Variants in NCAM1 observed in about 807,000 individuals in gnomAD.
NCAM1 encodes the protein antigen recognized by monoclonal antibody 5.1H11.
A neutral mutation model predicts 109.8 loss-of-function variants in NCAM1; 14 were observed. The ratio of observed to expected loss-of-function variants is 0.13; its 90% CI spans 0.08 to 0.20. The LOEUF is 0.20. NCAM1 is among the 10% of genes least tolerant of loss of function. The pLI is 1.00. For synonymous variants in NCAM1, 418 were observed against 442.9 expected (o/e 0.94, Z 0.70); for missense variants, 774 against 1,109.9 (o/e 0.70, Z 4.30).
intron 1 of NCAM1, among the ~76,000 whole-genome samples, chr11:113,134,511 A>G (rs782794266): frequency 6.6e-6 from 1 of 152,104 alleles, no homozygotes; most frequent in African/African-American, 2.4e-5. Flanking sequence ...CCAAAAGTCA[A>G]TTTTCACTGT....
At chr11:113,165,398 CACTT>C (rs1942756254) in intron 1 of NCAM1, among the ~76,000 whole-genome samples, 1 of 152,142 alleles carries the variant, frequency 6.6e-6, no homozygotes, top group African/African-American at 2.4e-5. Context: ...CGAGTAGACT[CACTT>C]AGTCTGTTTT....
chr11:113,269,592 AG>A (rs1946220692), intron 17 of NCAM1: 1 of 153,962 alleles, frequency 6.5e-6, no homozygotes, highest in Non-Finnish European at 1.4e-5. Context: ...GGGTGCAGTG[AG>A]GAGGGTAAAC....
chr11:113,264,773 G>C, intron 17 of NCAM1: 5 of 985,482 alleles, frequency 5.1e-6, no homozygotes, highest in Non-Finnish European at 6.0e-6. Flanking sequence ...GGTCAGGCAG[G>C]CCTCAGCTGA....
At chr11:112,969,931 A>T (rs1163228556) in intron 1 of NCAM1, among the ~76,000 whole-genome samples, 9 of 152,172 alleles carry the variant, frequency 5.9e-5, no homozygotes, top group African/African-American at 1.9e-4. Flanking sequence ...AAAAACTGGG[A>T]AAATTGAGAG....
At chr11:113,176,990 T>C (rs1555107149) in intron 1 of NCAM1, among the ~76,000 whole-genome samples, 1 of 152,208 alleles carries the variant, frequency 6.6e-6, no homozygotes, top group Non-Finnish European at 1.5e-5. Flanking sequence ...AATTATAAAC[T>C]TGACTTTGCA....
Position 113,204,342 on chromosome 11 carries a change from C to T in NCAM1, c.184C>T (p.Leu62Phe). The T allele has an allele frequency of 6.2e-7, 1 of 1,613,884 alleles. No individual in the cohort carries two copies. Among genetic ancestry groups the T allele is most frequent in the Non-Finnish European group, 8.5e-7 (1 of 1,179,846 alleles). ...ISWFSPNGEKLTPNQQRISVV... is the reference protein window; with the variant it reads ...ISWFSPNGEKFTPNQQRISVV... ...CTGGTTCTCCCCCAATGGAGAAAAG[C>T]TCACCCCAAACCAGCAGCGGATCTC... Residue 62 changes from leucine (L) to phenylalanine (F), a missense_variant, in exon 3 of 20, where the codon CTC (leucine) becomes TTC (phenylalanine). By Grantham distance (22) the Leu-to-Phe change is conservative. Coordinates refer to ENST00000316851, the MANE Select transcript of NCAM1 (RefSeq NM_181351.5).
chr11:113,017,479 A>T (rs1952239612), intron 1 of NCAM1, among the ~76,000 whole-genome samples: 1 of 152,190 alleles, frequency 6.6e-6, no homozygotes, highest in Non-Finnish European at 1.5e-5. Context: ...CCCTGATATC[A>T]CAGCCAGCTT....
intron 1 of NCAM1, among the ~76,000 whole-genome samples, chr11:113,145,503 A>G (rs1223178906): frequency 6.6e-6 from 1 of 152,198 alleles, no homozygotes; most frequent in Non-Finnish European, 1.5e-5. Flanking sequence ...TCTTATCCAT[A>G]TTAATGAAGA....
At chr11:113,121,537 CAA>C (rs3051887) in intron 1 of NCAM1, among the ~76,000 whole-genome samples, 3,122 of 92,344 alleles carry the variant, frequency 0.034, 88 homozygotes, top group East Asian at 0.17. Flanking sequence ...ACCAATCTTA[CAA>C]AAAAAAAAAA....
At chr11:112,964,462 C>A (rs1555064717) in intron 1 of NCAM1, among the ~76,000 whole-genome samples, 2 of 152,084 alleles carry the variant, frequency 1.3e-5, no homozygotes, top group African/African-American at 4.8e-5. Flanking sequence ...CAGTCTTCTG[C>A]CAGTTAAACT....
At chr11:113,009,309 CGG>C (rs1951971513) in intron 1 of NCAM1, among the ~76,000 whole-genome samples, 1 of 62,808 alleles carries the variant, frequency 1.6e-5, no homozygotes, top group African/African-American at 5.5e-5. Context: ...AGGGTTTTTT[CGG>C]GTTTTTTTTT....
At chr11:113,022,483 G>A (rs764251913) in intron 1 of NCAM1, among the ~76,000 whole-genome samples, 2 of 152,064 alleles carry the variant, frequency 1.3e-5, no homozygotes, top group African/African-American at 2.4e-5. Context: ...TGTAGCCAGC[G>A]GCTTCATATA....
intron 1 of NCAM1, among the ~76,000 whole-genome samples, chr11:112,969,630 A>G (rs1423961905): frequency 6.6e-6 from 1 of 152,138 alleles, no homozygotes; most frequent in Non-Finnish European, 1.5e-5. Flanking sequence ...GTGAGCTGAA[A>G]TAAAACCACA....
intron 1 of NCAM1, among the ~76,000 whole-genome samples, chr11:113,151,467 T>C (rs1942221514): frequency 6.6e-6 from 1 of 152,200 alleles, no homozygotes; most frequent in South Asian, 2.1e-4. Context: ...ACTAGTCAAT[T>C]AGATATGGTC....
At chr11:113,158,522 A>G (rs1555103830) in intron 1 of NCAM1, among the ~76,000 whole-genome samples, 1 of 152,180 alleles carries the variant, frequency 6.6e-6, no homozygotes, top group Admixed American at 6.5e-5. Context: ...GTATGTTCTC[A>G]TGACATGCTC....
chr11:112,969,011 C>T (rs1555066264), intron 1 of NCAM1, among the ~76,000 whole-genome samples: 2 of 152,092 alleles, frequency 1.3e-5, no homozygotes, highest in Admixed American at 6.5e-5. Context: ...GGAGGGGAGA[C>T]AGACATACTA....
intron 1 of NCAM1, among the ~76,000 whole-genome samples, chr11:113,100,836 G>C (rs1281312039): frequency 6.6e-6 from 1 of 152,192 alleles, no homozygotes; most frequent in Non-Finnish European, 1.5e-5. Flanking sequence ...GCCCAGGCTT[G>C]TGAGTGGGGC....
At chr11:113,034,202 C>T (rs541970234) in intron 1 of NCAM1, among the ~76,000 whole-genome samples, 2 of 152,200 alleles carry the variant, frequency 1.3e-5, no homozygotes, top group South Asian at 2.1e-4. Flanking sequence ...TCCAGTCATG[C>T]GCAGGCAGGT....
chr11:113,056,501 T>C (rs1953719011), intron 1 of NCAM1, among the ~76,000 whole-genome samples: 1 of 152,168 alleles, frequency 6.6e-6, no homozygotes, highest in African/African-American at 2.4e-5. Context: ...ACCCCTAACA[T>C]AGGTACAACT....
Sources: allele counts gnomAD v4.1 joint callset (sites outside exome capture counted in the v4.1 genomes callset), GRCh38; gene constraint gnomAD v4.1.1; transcripts MANE v1.5; gene names NCBI Gene and HGNC (gene_info 2026-07-23, HGNC 2026-07-21).